DPP10: variants seen among roughly 807,000 people sequenced by gnomAD.
The protein encoded by DPP10 is inactive dipeptidyl peptidase 10.
Under a neutral mutation model 120.9 loss-of-function variants are expected in DPP10, and 33 were observed. That is an observed-to-expected ratio of 0.27 (90% CI 0.21 to 0.37). DPP10 has a LOEUF of 0.37. DPP10 is among the 10% of genes least tolerant of loss of function. The pLI is 1.00. For missense variants in DPP10, 816 were observed against 942.8 expected, an observed-to-expected ratio of 0.87 and a Z score of 1.76; for synonymous variants, 337 against 326.1, an observed-to-expected ratio of 1.03 and a Z score of -0.36.
At chr2:115,066,527 TC>T (rs1706855748) in intron 1 of DPP10, 1 of 152,166 alleles carries the variant, frequency 6.6e-6, no homozygotes, top group African/African-American at 2.4e-5. Context: ...ATAATATCTC[TC>T]AAATTTTTAA....
intron 1 of DPP10, among the ~76,000 whole-genome samples, chr2:114,792,387 C>A (rs1265722452): frequency 6.6e-6 from 1 of 152,100 alleles, no homozygotes; most frequent in South Asian, 2.1e-4. Flanking sequence ...AGCTAAGAAA[C>A]CTCCAAATAT....
At chr2:115,049,318 A>G (rs941049725) in intron 1 of DPP10, among the ~76,000 whole-genome samples, 1 of 152,082 alleles carries the variant, frequency 6.6e-6, no homozygotes, top group African/African-American at 2.4e-5. Flanking sequence ...TTATATTACT[A>G]TTATACACGC....
At chr2:115,741,393 A>G (rs895661965) in intron 9 of DPP10, among the ~76,000 whole-genome samples, 9 of 152,140 alleles carry the variant, frequency 5.9e-5, no homozygotes, top group Non-Finnish European at 1.3e-4. Flanking sequence ...ACTCAAAGAA[A>G]AGAACTTCTG....
intron 1 of DPP10, among the ~76,000 whole-genome samples, chr2:114,449,576 G>A (rs750562903): frequency 6.6e-6 from 1 of 151,358 alleles, no homozygotes; most frequent in Admixed American, 6.6e-5. Flanking sequence ...TTTTTCTTTA[G>A]AGGGGCATCC....
intron 1 of DPP10, among the ~76,000 whole-genome samples, chr2:114,917,332 A>G (rs1186183019): frequency 2.0e-5 from 3 of 152,188 alleles, no homozygotes; most frequent in Admixed American, 6.5e-5. Context: ...ACATAAACAA[A>G]TGGAAAAACA....
intron 1 of DPP10, among the ~76,000 whole-genome samples, chr2:114,575,806 C>G (rs1690003436): frequency 6.6e-6 from 1 of 152,020 alleles, no homozygotes; most frequent in Non-Finnish European, 1.5e-5. Flanking sequence ...CAGAAATCAC[C>G]CTCATTGGGT....
chr2:115,076,803 G>A (rs1707837270), intron 1 of DPP10, among the ~76,000 whole-genome samples: 1 of 152,186 alleles, frequency 6.6e-6, no homozygotes. Flanking sequence ...AAATAATGAA[G>A]TAATGAGCAT....
At chr2:115,270,475 T>C (rs747804079) in intron 1 of DPP10, among the ~76,000 whole-genome samples, 2 of 152,100 alleles carry the variant, frequency 1.3e-5, no homozygotes, top group Non-Finnish European at 2.9e-5. Flanking sequence ...AGGTTATTGA[T>C]TGGCTAATTT....
intron 3 of DPP10, among the ~76,000 whole-genome samples, chr2:115,355,554 A>G (rs891185302): frequency 6.6e-6 from 1 of 152,068 alleles, no homozygotes; most frequent in African/African-American, 2.4e-5. Flanking sequence ...GATTCTCTTT[A>G]GTTCAATTAG....
intron 3 of DPP10, among the ~76,000 whole-genome samples, chr2:115,432,459 T>C (rs1013319802): frequency 6.6e-6 from 1 of 152,018 alleles, no homozygotes; most frequent in Non-Finnish European, 1.5e-5. Context: ...GGAAAGCCAT[T>C]CCTAATAAGG....
intron 1 of DPP10, among the ~76,000 whole-genome samples, chr2:115,160,130 C>T (rs12622564): frequency 0.67 from 101,145 of 152,088 alleles, 33,795 homozygotes; most frequent in East Asian, 0.75. Flanking sequence ...ATAGCTATTA[C>T]ACTAATGTTT....
chr2:114,736,628 G>A (rs1677468427), intron 1 of DPP10, among the ~76,000 whole-genome samples: 1 of 152,158 alleles, frequency 6.6e-6, no homozygotes, highest in African/African-American at 2.4e-5. Flanking sequence ...TGATAATTTA[G>A]GTAAAGCTTA....
At chr2:114,678,919 A>C (rs1206838493) in intron 1 of DPP10, among the ~76,000 whole-genome samples, 1 of 152,056 alleles carries the variant, frequency 6.6e-6, no homozygotes, top group East Asian at 1.9e-4. Context: ...TTTCATTTGG[A>C]TCAGACACAC....
intron 1 of DPP10, among the ~76,000 whole-genome samples, chr2:114,530,538 G>A (rs1355216865): frequency 1.3e-5 from 2 of 152,170 alleles, no homozygotes; most frequent in South Asian, 2.1e-4. Context: ...AAAACATTTA[G>A]TTGCTCTCAG....
chr2:115,776,639 T>C (rs996701931), intron 13 of DPP10, among the ~76,000 whole-genome samples: 3 of 152,126 alleles, frequency 2.0e-5, no homozygotes, highest in African/African-American at 7.2e-5. Context: ...TCAAACAATA[T>C]ATATTTTTTA....
chr2:114,681,626 C>A (rs1433521462), intron 1 of DPP10, among the ~76,000 whole-genome samples: 2 of 151,880 alleles, frequency 1.3e-5, no homozygotes, highest in African/African-American at 4.8e-5. Flanking sequence ...ACTTTATTAT[C>A]CAACAGCAGG....
intron 1 of DPP10, among the ~76,000 whole-genome samples, chr2:114,885,075 A>C (rs1691949461): frequency 6.6e-6 from 1 of 152,198 alleles, no homozygotes; most frequent in Non-Finnish European, 1.5e-5. Flanking sequence ...CTGTTCTCAC[A>C]CTGCTCCAAA....
At chr2:115,833,017 C>A (rs1179871316) in intron 21 of DPP10, among the ~76,000 whole-genome samples, 1 of 152,132 alleles carries the variant, frequency 6.6e-6, no homozygotes, top group East Asian at 1.9e-4. Flanking sequence ...GCTGACAACA[C>A]TCTCAAGTGA....
intron 1 of DPP10, among the ~76,000 whole-genome samples, chr2:114,815,839 C>A (rs190174840): frequency 6.6e-6 from 1 of 151,640 alleles, no homozygotes; most frequent in East Asian, 2.0e-4. Flanking sequence ...AGTTCAGCCA[C>A]CTGTTTTTTG....
Sources: allele counts gnomAD v4.1 joint callset (sites outside exome capture counted in the v4.1 genomes callset), GRCh38; gene constraint gnomAD v4.1.1; transcripts MANE v1.5; gene names NCBI Gene and HGNC (gene_info 2026-07-23, HGNC 2026-07-21).